Variants in DKK2 observed in about 807,000 individuals in gnomAD.
DKK2 encodes dickkopf-related protein 2.
A neutral mutation model predicts 28.1 loss-of-function variants in DKK2; 11 were observed. The observed-to-expected ratio is 0.39, with a 90% CI of 0.25 to 0.65. The LOEUF (loss-of-function observed/expected upper bound fraction) is 0.65, where lower values mean the gene tolerates loss of function less well. DKK2 is among the 30% of genes least tolerant of loss of function. The pLI is 0.47. For synonymous variants in DKK2, 135 were observed against 126.5 expected (o/e 1.07, Z -0.45); for missense variants, 326 against 335.5 (o/e 0.97, Z 0.22).
chr4:106,962,770 C>G (rs1722710813), intron 1 of DKK2, among the ~76,000 whole-genome samples: 1 of 151,772 alleles, frequency 6.6e-6, no homozygotes, highest in Non-Finnish European at 1.5e-5. Context: ...TCACATCAAA[C>G]TAAAAAGCTT....
intron 1 of DKK2, among the ~76,000 whole-genome samples, chr4:106,927,183 C>A (rs1442507760): frequency 2.0e-5 from 3 of 152,098 alleles, no homozygotes; most frequent in Non-Finnish European, 2.9e-5. Flanking sequence ...GATTTCAGTG[C>A]TTTACTTATG....
chr4:106,984,462 A>G (rs1723087744), intron 1 of DKK2, among the ~76,000 whole-genome samples: 1 of 152,162 alleles, frequency 6.6e-6, no homozygotes, highest in Non-Finnish European at 1.5e-5. Flanking sequence ...TGTCTGGTTT[A>G]TTTCGCTCAG....
intron 1 of DKK2, among the ~76,000 whole-genome samples, chr4:107,022,199 C>T (rs1345695634): frequency 6.6e-6 from 1 of 152,052 alleles, no homozygotes; most frequent in African/African-American, 2.4e-5. Context: ...TTCTGGGAAC[C>T]TCTTTCAACC....
At chr4:106,972,680 C>G (rs1023703498) in intron 1 of DKK2, among the ~76,000 whole-genome samples, 2 of 152,032 alleles carry the variant, frequency 1.3e-5, no homozygotes, top group African/African-American at 4.8e-5. Context: ...CAGTGTCTAG[C>G]TTTAGGCCAT....
intron 1 of DKK2, among the ~76,000 whole-genome samples, chr4:107,004,835 C>T (rs1723413403): frequency 6.6e-6 from 1 of 152,024 alleles, no homozygotes; most frequent in Non-Finnish European, 1.5e-5. Context: ...AGAGATGTTG[C>T]TAAGGGAGGA....
At chr4:106,986,145 T>C (rs1423019840) in intron 1 of DKK2, among the ~76,000 whole-genome samples, 1 of 152,220 alleles carries the variant, frequency 6.6e-6, no homozygotes, top group Non-Finnish European at 1.5e-5. Flanking sequence ...CTTCAACTTC[T>C]ATTTATTTCC....
At chr4:106,959,235 T>A (rs527779420) in intron 1 of DKK2, among the ~76,000 whole-genome samples, 4 of 152,132 alleles carry the variant, frequency 2.6e-5, no homozygotes, top group Non-Finnish European at 5.9e-5. Flanking sequence ...TTCTGGTAGA[T>A]TAGGAATGAA....
At chr4:106,930,815 G>C (rs1724492093) in intron 1 of DKK2, among the ~76,000 whole-genome samples, 1 of 152,168 alleles carries the variant, frequency 6.6e-6, no homozygotes, top group African/African-American at 2.4e-5. Flanking sequence ...GTGGATAGAT[G>C]GAGGTAGCAG....
intron 1 of DKK2, among the ~76,000 whole-genome samples, chr4:107,011,570 T>C (rs1723517840): frequency 6.6e-6 from 1 of 151,592 alleles, no homozygotes; most frequent in South Asian, 2.1e-4. Flanking sequence ...TTACACATAC[T>C]CTGCATTCAT....
At chr4:107,032,447 C>T (rs1201162078) in intron 1 of DKK2, among the ~76,000 whole-genome samples, 1 of 152,022 alleles carries the variant, frequency 6.6e-6, no homozygotes, top group Non-Finnish European at 1.5e-5. Flanking sequence ...TATATGAAAT[C>T]AGGCAACTTT....
intron 1 of DKK2, among the ~76,000 whole-genome samples, chr4:106,951,840 C>A (rs2110347047): frequency 6.6e-6 from 1 of 152,122 alleles, no homozygotes; most frequent in South Asian, 2.1e-4. Context: ...AAATTTTCTG[C>A]AAAATATGGC....
chr4:106,969,737 T>A (rs577179430), intron 1 of DKK2, among the ~76,000 whole-genome samples: 27 of 152,116 alleles, frequency 1.8e-4, no homozygotes, highest in African/African-American at 5.8e-4. Context: ...TGGAATTAAC[T>A]GGTGGCAGCA....
intron 1 of DKK2, among the ~76,000 whole-genome samples, chr4:106,937,075 C>T (rs1724601304): frequency 6.6e-6 from 1 of 151,922 alleles, no homozygotes; most frequent in South Asian, 2.1e-4. Context: ...GCAAAATAAC[C>T]AGCTAACATC....
At chr4:107,034,381 G>C (rs1723928575) in intron 1 of DKK2, among the ~76,000 whole-genome samples, 1 of 152,210 alleles carries the variant, frequency 6.6e-6, no homozygotes, top group Non-Finnish European at 1.5e-5. Context: ...CCCACAAAAG[G>C]AGCGGAAGGG....
At chr4:107,026,854 G>A (rs1005370949) in intron 1 of DKK2, among the ~76,000 whole-genome samples, 6 of 152,112 alleles carry the variant, frequency 3.9e-5, no homozygotes, top group Admixed American at 3.3e-4. Context: ...AGCAAGAAAT[G>A]GGGCTTAAAA....
At chr4:106,966,383 T>G (rs1722781315) in intron 1 of DKK2, among the ~76,000 whole-genome samples, 1 of 152,204 alleles carries the variant, frequency 6.6e-6, no homozygotes, top group African/African-American at 2.4e-5. Context: ...CATTGATTCT[T>G]ATATACATTT....
At chr4:106,941,532 G>A (rs1264406757) in intron 1 of DKK2, among the ~76,000 whole-genome samples, 1 of 152,082 alleles carries the variant, frequency 6.6e-6, no homozygotes, top group Non-Finnish European at 1.5e-5. Context: ...CCATGCCTGA[G>A]CTACATTCTC....
intron 1 of DKK2, among the ~76,000 whole-genome samples, chr4:106,957,754 G>A (rs1342706502): frequency 8.8e-6 from 1 of 113,394 alleles, no homozygotes; most frequent in African/African-American, 3.3e-5. Context: ...GGACTGTTGT[G>A]GGGTGGGGGG....
intron 1 of DKK2, among the ~76,000 whole-genome samples, chr4:106,943,720 T>G (rs1724736202): frequency 6.6e-6 from 1 of 152,106 alleles, no homozygotes. Context: ...CAGATGATCA[T>G]GTTTTTCATC....
Sources: allele counts gnomAD v4.1 joint callset (sites outside exome capture counted in the v4.1 genomes callset), GRCh38; gene constraint gnomAD v4.1.1; transcripts MANE v1.5; gene names NCBI Gene and HGNC (gene_info 2026-07-23, HGNC 2026-07-21).